Variants in BPIFB4 observed in about 807,000 individuals in gnomAD.
BPIFB4 encodes the protein BPI fold containing family B member 4.
BPIFB4 carries 62 observed loss-of-function variants against 69.2 expected under a neutral mutation model. The ratio of observed to expected loss-of-function variants is 0.90; its 90% CI spans 0.73 to 1.11. BPIFB4 has a LOEUF of 1.11. Among genes scored for constraint, BPIFB4 ranks in the 50% least tolerant of loss-of-function variants. BPIFB4 has a pLI of 0.00. For synonymous variants in BPIFB4, 330 were observed against 332.7 expected, an observed-to-expected ratio of 0.99 and a Z score of 0.09; for missense variants, 789 against 792.0, an observed-to-expected ratio of 1.00 and a Z score of 0.04.
intron 12 of BPIFB4, among the ~76,000 whole-genome samples, chr20:33,095,490 G>A (rs1981730993): frequency 6.6e-6 from 1 of 152,204 alleles, no homozygotes; most frequent in Non-Finnish European, 1.5e-5. Flanking sequence ...AAAAAAGGCT[G>A]CTGATACCTA....
At chr20:33,099,379 C>T (rs1981844654) in intron 13 of BPIFB4, among the ~76,000 whole-genome samples, 1 of 152,252 alleles carries the variant, frequency 6.6e-6, no homozygotes, top group Middle Eastern at 3.4e-3. Flanking sequence ...CCAATCTGTC[C>T]TCCATCAATC....
intron 17 of BPIFB4, among the ~76,000 whole-genome samples, chr20:33,109,656 T>C (rs1264790923): frequency 2.0e-5 from 3 of 152,226 alleles, no homozygotes; most frequent in Non-Finnish European, 4.4e-5. Flanking sequence ...AAATACATAT[T>C]ATTTTATTAT....
At chr20:33,088,899 G>A in intron 7 of BPIFB4, 67 bp from the exon 8 acceptor site, 1 of 1,608,740 alleles carries the variant, frequency 6.2e-7, no homozygotes. Flanking sequence ...TGACCCACAG[G>A]GTGGACAGCC....
chr20:33,104,384 T>C (rs1981986520), intron 15 of BPIFB4, among the ~76,000 whole-genome samples: 1 of 152,070 alleles, frequency 6.6e-6, no homozygotes, highest in Non-Finnish European at 1.5e-5. Context: ...GTTAGAGAGG[T>C]GAAGGAGCCT....
intron 16 of BPIFB4, among the ~76,000 whole-genome samples, chr20:33,106,751 G>C (rs975006389): frequency 1.3e-5 from 2 of 152,136 alleles, no homozygotes; most frequent in Non-Finnish European, 2.9e-5. Flanking sequence ...TGGGATGGGG[G>C]TGCTGCAGGA....
chr20:33,111,696 TC>T lies in BPIFB4; in HGVS notation c.*261del, dbSNP rs768865158. 5 of 496,330 alleles carry T rather than the reference TC, an allele frequency of 1.0e-5. No individual in the cohort carries two copies. The highest frequency in any genetic ancestry group is 1.8e-5 in the Non-Finnish European group (5 of 274,248). 30.7% of individuals were successfully genotyped at this position (496,330 alleles called of 1,614,324 possible). On this transcript the variant is annotated 3_prime_UTR_variant, in exon 18 of 18. Coordinates refer to ENST00000375483, the MANE Select transcript of BPIFB4 (RefSeq NM_182519.3). ...GGGGCTGGAGGCCTCTCAGACCCCATCCTGACAGCAGGTTGAGTATTCCCAC... is the reference window on the plus strand; with the variant it reads ...GGGGCTGGAGGCCTCTCAGACCCCATCTGACAGCAGGTTGAGTATTCCCAC...
intron 9 of BPIFB4, among the ~76,000 whole-genome samples, chr20:33,090,437 C>T (rs1981564945): frequency 6.6e-6 from 1 of 152,166 alleles, no homozygotes; most frequent in Non-Finnish European, 1.5e-5. Context: ...GATATTGCAC[C>T]CCCCTGCCCC....
chr20:33,092,529 G>A lies in BPIFB4; in HGVS notation c.1215G>A (p.Pro405=), dbSNP rs200333820. The A allele has an allele frequency of 2.0e-5, 32 of 1,614,124 alleles. No homozygotes were observed. The highest frequency in any genetic ancestry group is 1.3e-4 in the East Asian group (6 of 44,892). The change falls in exon 11 of 18, where the codon CCG becomes CCA. Residue 405 remains proline (P), a synonymous_variant. Coordinates refer to ENST00000375483, the MANE Select transcript of BPIFB4 (RefSeq NM_182519.3). ...GGTGGCCAGCTGTGTCTCCCAAGCC[G>A]ATGCCAGAGCTGCCTCCCATGGGTG... ...PLGWPAVSPK[P]MPELPPMGDN... is the part of the protein sequence containing the mutation.
chr20:33,099,615 C>T (rs1187860483), intron 13 of BPIFB4, among the ~76,000 whole-genome samples: 1 of 152,178 alleles, frequency 6.6e-6, no homozygotes, highest in Non-Finnish European at 1.5e-5. Flanking sequence ...TCCCTGCCTC[C>T]TGGCCTTTGC....
intron 6 of BPIFB4, 58 bp from the exon 7 acceptor site, chr20:33,085,963 T>C (rs112859084): frequency 0.012 from 18,555 of 1,555,166 alleles, 390 homozygotes; most frequent in African/African-American, 0.089. Context: ...TGGGTAAGGG[T>C]GAGCTCCTGG....
intron 7 of BPIFB4, among the ~76,000 whole-genome samples, chr20:33,086,647 G>A (rs1171420131): frequency 6.6e-6 from 1 of 152,206 alleles, no homozygotes; most frequent in Non-Finnish European, 1.5e-5. Flanking sequence ...TATCTTGAGA[G>A]CTGATGAACG....
chr20:33,107,920 G>C (rs1381624797), intron 17 of BPIFB4, 100 bp downstream of exon 17: 7 of 1,064,560 alleles, frequency 6.6e-6, no homozygotes, highest in Non-Finnish European at 1.0e-5. Context: ...AGGAAGAGAA[G>C]AGGAGGGAAG....
At chr20:33,088,913 G>C in intron 7 of BPIFB4, 53 bp from the exon 8 acceptor site, 2 of 1,611,600 alleles carry the variant, frequency 1.2e-6, no homozygotes, top group Non-Finnish European at 1.7e-6. Context: ...GACAGCCTTG[G>C]TGAGCCCCAC....
In BPIFB4 at chr20:33,097,069, C is replaced by T. The variant is rs201544510; in HGVS notation, c.1399-548C>T. 7.2e-5 allele frequency among the ~76,000 whole-genome samples: 11 copies of T among 152,278 alleles called. No individual in the cohort carries two copies. The East Asian group carries it at 2.1e-3, about 29-fold the overall frequency. ...GGGCAGCCTGTGCCTTGCCTGGGAC[C>T]TCCCTGTGGGATTCCCCAGGCGTGG... On this transcript the variant is annotated intron_variant, in intron 12 of 17. Coordinates refer to ENST00000375483, the MANE Select transcript of BPIFB4 (RefSeq NM_182519.3).
At chr20:33,106,103 A>G (rs948499561) in intron 16 of BPIFB4, among the ~76,000 whole-genome samples, 5 of 152,072 alleles carry the variant, frequency 3.3e-5, no homozygotes, top group Non-Finnish European at 5.9e-5. Context: ...TCCTGCTGGA[A>G]TAGAGAAGTC....
chr20:33,096,911 G>T (rs1348847789), intron 12 of BPIFB4, among the ~76,000 whole-genome samples: 1 of 152,250 alleles, frequency 6.6e-6, no homozygotes, highest in African/African-American at 2.4e-5. Flanking sequence ...CTTAAAGTAT[G>T]TATTTTTGGT....
chr20:33,081,537 C>G lies in BPIFB4; in HGVS notation c.11C>G (p.Ala4Gly), dbSNP rs771454392. 1.9e-5 allele frequency: 29 copies of G among 1,551,554 alleles called. No homozygotes were observed. In the African/African-American group the frequency reaches 3.8e-4, roughly 21 times the overall value. ...GGAAGCAGTGCCAGCATGTGGATGG[C>G]CTGGTGTGTGGCTGCGCTGTCTGTG... MWM[A>G]WCVAALSVVA... is the part of the protein sequence containing the mutation. The change falls in exon 3 of 18, where the codon GCC becomes GGC. Residue 4 changes from alanine (A) to glycine (G), a missense_variant. By Grantham distance (60) the Ala-to-Gly change is moderately conservative (BLOSUM62 0). Transcript: ENST00000375483.
intron 14 of BPIFB4, 94 bp downstream of exon 14, chr20:33,100,587 C>G: frequency 8.1e-7 from 1 of 1,227,700 alleles, no homozygotes; most frequent in Non-Finnish European, 1.2e-6. Flanking sequence ...GTGTGGCCAT[C>G]AGGGCTGGGT....
intron 6 of BPIFB4, 122 bp downstream of exon 6, chr20:33,085,118 G>A: frequency 4.1e-6 from 6 of 1,475,566 alleles, no homozygotes; most frequent in Non-Finnish European, 5.4e-6. Context: ...TGCACCAGAG[G>A]CCATCTGTCA....
Sources: gnomAD v4.1 joint callset for allele counts (sites outside exome capture counted in the v4.1 genomes callset) on GRCh38, gnomAD v4.1.1 for gene constraint, MANE v1.5 for transcripts, NCBI Gene and HGNC (gene_info 2026-07-23, HGNC 2026-07-21) for gene names.